The following COBL variants were observed in gnomAD, a reference collection of about 807,000 sequenced individuals.
The protein encoded by COBL is protein cordon-bleu.
COBL carries 51 observed loss-of-function variants against 98.8 expected under a neutral mutation model. That is an observed-to-expected ratio of 0.52 (90% CI 0.41 to 0.65). The LOEUF (loss-of-function observed/expected upper bound fraction) is 0.65, where lower values mean the gene tolerates loss of function less well. Among genes scored for constraint, COBL ranks in the 30% least tolerant of loss-of-function variants. The probability of loss-of-function intolerance (pLI) is 0.00; values close to 1 mark genes in which losing one functional copy is unlikely to be tolerated. For synonymous variants in COBL, 634 were observed against 651.7 expected (o/e 0.97, Z 0.41); for missense variants, 1,617 against 1,617.5 (o/e 1.00, Z 0.01).
At chr7:51,266,493 C>T (rs1798213550) in intron 1 of COBL, among the ~76,000 whole-genome samples, 1 of 152,090 alleles carries the variant, frequency 6.6e-6, no homozygotes, top group South Asian at 2.1e-4. Flanking sequence ...CAGGAGAATC[C>T]CTTGAACCCG....
intron 2 of COBL, among the ~76,000 whole-genome samples, chr7:51,200,585 G>C (rs556616087): frequency 6.6e-6 from 1 of 152,238 alleles, no homozygotes; most frequent in East Asian, 1.9e-4. Context: ...AAATTATTCA[G>C]TGTAAACTCT....
intron 6 of COBL, among the ~76,000 whole-genome samples, chr7:51,120,496 A>AGTGT (rs1270310150): frequency 1.3e-5 from 2 of 152,316 alleles, no homozygotes; most frequent in Admixed American, 1.3e-4. Context: ...AAATACACAT[A>AGTGT]CTATAAAATT....
chr7:51,138,763 C>T (rs1448837043), intron 5 of COBL, among the ~76,000 whole-genome samples: 1 of 152,198 alleles, frequency 6.6e-6, no homozygotes, highest in Admixed American at 6.5e-5. Context: ...ACACCTGTAC[C>T]CATGCCACCT....
intron 7 of COBL, among the ~76,000 whole-genome samples, chr7:51,058,429 T>C (rs888101881): frequency 6.6e-6 from 1 of 152,148 alleles, no homozygotes; most frequent in African/African-American, 2.4e-5. Context: ...AGAGCGTTCT[T>C]GTAGTCCTAG....
At chr7:51,144,806 TC>T (rs1237200943) in intron 5 of COBL, among the ~76,000 whole-genome samples, 1 of 152,214 alleles carries the variant, frequency 6.6e-6, no homozygotes, top group Admixed American at 6.5e-5. Context: ...CAATATATGA[TC>T]TTTGTGTTTG....
intron 8 of COBL, among the ~76,000 whole-genome samples, chr7:51,036,797 C>T (rs963531050): frequency 4.6e-5 from 7 of 152,112 alleles, no homozygotes; most frequent in African/African-American, 1.2e-4. Flanking sequence ...TTCAGTTTGG[C>T]CTTACTGTTA....
At chr7:51,207,719 C>G (rs991695331) in intron 2 of COBL, among the ~76,000 whole-genome samples, 1 of 152,342 alleles carries the variant, frequency 6.6e-6, no homozygotes, top group Admixed American at 6.5e-5. Flanking sequence ...GACGGAGTCT[C>G]GTTCACTCAG....
intron 2 of COBL, among the ~76,000 whole-genome samples, chr7:51,209,202 C>T (rs555413557): frequency 2.7e-4 from 41 of 152,262 alleles, no homozygotes; most frequent in Middle Eastern, 3.4e-3. Context: ...ACAAGAATCC[C>T]TAAAGTGCCC....
chr7:51,135,640 G>C lies in COBL; in HGVS notation c.957+518C>G, dbSNP rs540865609. 2.8e-3 allele frequency among the ~76,000 whole-genome samples: 419 copies of C among 152,268 alleles called. 1 individual carries two copies. The highest frequency in any genetic ancestry group is 4.4e-3 in the Non-Finnish European group (299 of 68,014). ...ATTTTGAGAGCAAATGAGCAAAAAG[G>C]GGCTTTGAACCTAAAGACTAGCAGG... On this transcript the variant is annotated intron_variant, in intron 6 of 12. Coordinates refer to ENST00000265136, the MANE Select transcript of COBL (RefSeq NM_015198.5).
intron 6 of COBL, among the ~76,000 whole-genome samples, chr7:51,115,989 T>G (rs1028530847): frequency 1.3e-5 from 2 of 152,108 alleles, no homozygotes; most frequent in African/African-American, 4.8e-5. Flanking sequence ...TCTAGTAATA[T>G]GTAAGGCTAT....
chr7:51,088,630 T>G (rs1402152452), intron 6 of COBL, among the ~76,000 whole-genome samples: 1 of 152,220 alleles, frequency 6.6e-6, no homozygotes, highest in Non-Finnish European at 1.5e-5. Flanking sequence ...GGCCTCTGCT[T>G]ATCATATTTT....
Position 51,017,411 on chromosome 7 carries a change from C to A in COBL, c.*140G>T. On this transcript the variant is annotated 3_prime_UTR_variant, in exon 13 of 13. Coordinates refer to ENST00000265136, the MANE Select transcript of COBL (RefSeq NM_015198.5). ...TTTCAAGCCGTTATACAGGAACACA[C>A]CGAAAATCAACTGTGCGCATTTGGC... 1.3e-6 allele frequency: 1 copy of A among 775,080 alleles called. No individual in the cohort carries two copies. The highest frequency in any genetic ancestry group is 2.5e-5 in the East Asian group (1 of 39,830). The allele number at this position is 775,080 out of a possible 1,614,324, so 48.0% of individuals were successfully genotyped here.
At chr7:51,129,647 G>A (rs1392498901) in intron 6 of COBL, among the ~76,000 whole-genome samples, 1 of 152,096 alleles carries the variant, frequency 6.6e-6, no homozygotes, top group Non-Finnish European at 1.5e-5. Flanking sequence ...CTGAAACCAG[G>A]GAAGGGGGCA....
intron 7 of COBL, among the ~76,000 whole-genome samples, chr7:51,066,478 C>A (rs917753223): frequency 6.6e-6 from 1 of 152,170 alleles, no homozygotes; most frequent in African/African-American, 2.4e-5. Context: ...GTGCTTGGGA[C>A]CAGACTGGCA....
At chr7:51,271,014 T>C (rs923009337) in intron 1 of COBL, among the ~76,000 whole-genome samples, 7 of 152,210 alleles carry the variant, frequency 4.6e-5, no homozygotes, top group African/African-American at 1.7e-4. Context: ...TGCATCAACC[T>C]AAATCCTCTA....
At chr7:51,091,732 A>C (rs1234692991) in intron 6 of COBL, among the ~76,000 whole-genome samples, 1 of 152,220 alleles carries the variant, frequency 6.6e-6, no homozygotes, top group Admixed American at 6.5e-5. Flanking sequence ...CATTAAAATC[A>C]AGCTATCAAT....
chr7:51,161,958 T>C (rs1271451252), intron 5 of COBL, among the ~76,000 whole-genome samples: 1 of 152,208 alleles, frequency 6.6e-6, no homozygotes, highest in African/African-American at 2.4e-5. Flanking sequence ...ATAATTTCTT[T>C]TCCATTTTTG....
rs368647675 is a variant in COBL, at chr7:51,081,645, G to A, written c.1096+3521C>T. Among the ~76,000 whole-genome samples, 40 of 152,318 alleles carry A rather than the reference G, an allele frequency of 2.6e-4. No individual in the cohort carries two copies. The East Asian group carries it at 7.5e-3, about 29-fold the overall frequency. ...GCGAGGGTCTGCAAGTTTGCACCCA[G>A]CTCTCCCATCCTGTGCAGGCTGCCA... On this transcript the variant is annotated intron_variant, in intron 7 of 12. Transcript: ENST00000265136.
At chr7:51,254,127 C>A (rs537989205) in intron 1 of COBL, among the ~76,000 whole-genome samples, 3 of 149,950 alleles carry the variant, frequency 2.0e-5, no homozygotes, top group African/African-American at 7.3e-5. Context: ...TCTCTTCTTT[C>A]TTGCACAAAG....
Sources: gnomAD v4.1 joint callset for allele counts (sites outside exome capture counted in the v4.1 genomes callset) on GRCh38, gnomAD v4.1.1 for gene constraint, MANE v1.5 for transcripts, NCBI Gene and HGNC (gene_info 2026-07-23, HGNC 2026-07-21) for gene names.